PLCB1: variants seen among roughly 807,000 people sequenced by gnomAD.
The protein encoded by PLCB1 is phospholipase C beta 1, also known as 1-phosphatidylinositol 4,5-bisphosphate phosphodiesterase beta-1.
PLCB1 carries 46 observed loss-of-function variants against 161.8 expected under a neutral mutation model. The ratio of observed to expected loss-of-function variants is 0.28; its 90% CI spans 0.22 to 0.36. The LOEUF (loss-of-function observed/expected upper bound fraction) is 0.36. Among genes scored for constraint, PLCB1 ranks in the 10% least tolerant of loss-of-function variants. The pLI is 1.00. For synonymous variants in PLCB1, 517 were observed against 503.7 expected, an observed-to-expected ratio of 1.03 and a Z score of -0.35; for missense variants, 1,016 against 1,472.5, an observed-to-expected ratio of 0.69 and a Z score of 5.07.
intron 3 of PLCB1, among the ~76,000 whole-genome samples, chr20:8,535,205 A>C (rs1171521113): frequency 2.1e-5 from 3 of 144,906 alleles, no homozygotes; most frequent in Non-Finnish European, 4.6e-5. Flanking sequence ...TTATGGGCAA[A>C]AAAAAAAAAA....
Position 8,429,561 on chromosome 20 carries a change from G to A in PLCB1, c.246+58111G>A, listed in dbSNP as rs1055737531. The stretch of plus-strand genomic sequence containing the variant: ...TGTCAGAGGTATCCCAACTAACAAG[G>A]GTGAATGATGGTTTGTAAAACTTCA... On this transcript the variant is annotated intron_variant, in intron 3 of 31. Coordinates refer to ENST00000338037, the MANE Select transcript of PLCB1 (RefSeq NM_015192.4). 3.3e-5 allele frequency among the ~76,000 whole-genome samples: 5 copies of A among 151,934 alleles called. 1 individual carries two copies. Among genetic ancestry groups the A allele is most frequent in the Admixed American group, 3.3e-4 (5 of 15,262 alleles).
At chr20:8,193,082 C>T (rs1344241686) in intron 2 of PLCB1, among the ~76,000 whole-genome samples, 2 of 151,954 alleles carry the variant, frequency 1.3e-5, no homozygotes, top group African/African-American at 2.4e-5. Flanking sequence ...CAGAGACTGA[C>T]AAAGAACATT....
chr20:8,363,065 T>C (rs1986595541), intron 2 of PLCB1, among the ~76,000 whole-genome samples: 1 of 152,182 alleles, frequency 6.6e-6, no homozygotes, highest in Non-Finnish European at 1.5e-5. Context: ...GTGACAGCAT[T>C]GCAGTCATTT....
At chr20:8,560,675 T>G (rs545271507) in intron 3 of PLCB1, among the ~76,000 whole-genome samples, 1 of 152,090 alleles carries the variant, frequency 6.6e-6, no homozygotes, top group South Asian at 2.1e-4. Context: ...TTTGTCCTTT[T>G]AAATTATCAA....
chr20:8,537,096 G>C (rs954969687), intron 3 of PLCB1, among the ~76,000 whole-genome samples: 4 of 152,202 alleles, frequency 2.6e-5, no homozygotes, highest in Non-Finnish European at 5.9e-5. Context: ...TGCTTCCTCA[G>C]AAGAAAGAAT....
chr20:8,615,522 C>T (rs187676934), intron 3 of PLCB1, among the ~76,000 whole-genome samples: 2 of 152,274 alleles, frequency 1.3e-5, no homozygotes, highest in East Asian at 1.9e-4. Context: ...TTGTTATTAT[C>T]CACCTTCTGA....
intron 31 of PLCB1, among the ~76,000 whole-genome samples, chr20:8,859,960 CATTGAGAGAATATAA>C: frequency 6.6e-6 from 1 of 152,198 alleles, no homozygotes; most frequent in East Asian, 1.9e-4. Context: ...TCTAGGGAGT[CATTGAGAGAATATAA>C]ATATGTGGGC....
At chr20:8,489,233 C>T (rs191009555) in intron 3 of PLCB1, among the ~76,000 whole-genome samples, 67 of 152,150 alleles carry the variant, frequency 4.4e-4, no homozygotes, top group Admixed American at 8.5e-4. Flanking sequence ...TATGAGTAAA[C>T]GTCTATACAC....
At chr20:8,158,221 C>T (rs2051583316) in intron 2 of PLCB1, among the ~76,000 whole-genome samples, 1 of 152,050 alleles carries the variant, frequency 6.6e-6, no homozygotes, top group African/African-American at 2.4e-5. Flanking sequence ...AAATAGAATC[C>T]CCGGGTACTT....
intron 3 of PLCB1, among the ~76,000 whole-genome samples, chr20:8,536,573 G>T (rs1985058509): frequency 6.6e-6 from 1 of 152,016 alleles, no homozygotes; most frequent in Non-Finnish European, 1.5e-5. Context: ...TCATCTGAAG[G>T]CTCACTGGGC....
rs183160307 is a variant in PLCB1, at chr20:8,508,178, C to T, written c.247-120116C>T. Reference sequence around the variant, plus strand: ...GGGAGTAAAGGCAGCCAGGAGCAGTCGCCTGTCATGCTTCTACCTATATTG... The same window carrying T: ...GGGAGTAAAGGCAGCCAGGAGCAGTTGCCTGTCATGCTTCTACCTATATTG... On this transcript the variant is annotated intron_variant, in intron 3 of 31. Transcript: ENST00000338037. Among the ~76,000 whole-genome samples the T allele has an allele frequency of 1.3e-3, 205 of 152,198 alleles. 2 individuals are homozygous for T. Among genetic ancestry groups the T allele is most frequent in the African/African-American group, 4.7e-3 (194 of 41,526 alleles).
intron 2 of PLCB1, among the ~76,000 whole-genome samples, chr20:8,307,347 A>T (rs1238572044): frequency 6.6e-6 from 1 of 152,244 alleles, no homozygotes; most frequent in Non-Finnish European, 1.5e-5. Flanking sequence ...TCAGCTTCAA[A>T]TGAATTATGG....
At chr20:8,523,245 A>G (rs1331042443) in intron 3 of PLCB1, among the ~76,000 whole-genome samples, 2 of 151,696 alleles carry the variant, frequency 1.3e-5, no homozygotes, top group Non-Finnish European at 2.9e-5. Context: ...TGTGCCAGGA[A>G]CTAGTCTAGA....
intron 2 of PLCB1, among the ~76,000 whole-genome samples, chr20:8,301,665 T>C (rs1983919729): frequency 6.6e-6 from 1 of 152,016 alleles, no homozygotes; most frequent in Admixed American, 6.6e-5. Flanking sequence ...TGGAATACCC[T>C]CCCCCACCTT....
At chr20:8,369,944 C>T (rs1986852196) in intron 2 of PLCB1, among the ~76,000 whole-genome samples, 1 of 152,166 alleles carries the variant, frequency 6.6e-6, no homozygotes, top group Non-Finnish European at 1.5e-5. Flanking sequence ...GACCAGTTTG[C>T]ACCAGACATT....
At chr20:8,293,749 T>C (rs1983495748) in intron 2 of PLCB1, among the ~76,000 whole-genome samples, 2 of 152,184 alleles carry the variant, frequency 1.3e-5, no homozygotes, top group Admixed American at 1.3e-4. Flanking sequence ...CAGAGATCTG[T>C]GTACTATGCT....
chr20:8,570,032 C>T (rs1283116260), intron 3 of PLCB1, among the ~76,000 whole-genome samples: 2 of 152,130 alleles, frequency 1.3e-5, no homozygotes, highest in African/African-American at 4.8e-5. Context: ...GGTTGTTTCT[C>T]TTCACTCTTC....
rs556423769 is a variant in PLCB1 at position 8,691,922 on chromosome 20, G to T, written c.1010-5704G>T. 2.6e-5 allele frequency among the ~76,000 whole-genome samples: 4 copies of T among 152,168 alleles called. No individual in the cohort carries two copies. The East Asian group carries it at 5.8e-4, about 22-fold the overall frequency. On this transcript the variant is annotated intron_variant, in intron 10 of 31. Coordinates refer to ENST00000338037, the MANE Select transcript of PLCB1 (RefSeq NM_015192.4). The stretch of plus-strand genomic sequence containing the variant: ...ATTATTGCTTTTCCTTGAGGAATCT[G>T]CCCTATGACTCAAGAAAAAGAAATC...
chr20:8,442,971 CTTGTTTTTTTTT>C (rs996705732), intron 3 of PLCB1, among the ~76,000 whole-genome samples: 125 of 147,142 alleles, frequency 8.5e-4, no homozygotes, highest in Non-Finnish European at 1.2e-3. Context: ...TTGTGAGTTT[CTTGTTTTTTTTT>C]TTGTTTTTTT....
Sources: allele counts gnomAD v4.1 joint callset (sites outside exome capture counted in the v4.1 genomes callset), GRCh38; gene constraint gnomAD v4.1.1; transcripts MANE v1.5; gene names NCBI Gene and HGNC (gene_info 2026-07-23, HGNC 2026-07-21).